The following PRPSAP1 variants were observed in gnomAD, a reference collection of about 807,000 sequenced individuals.
The protein encoded by PRPSAP1 is phosphoribosyl pyrophosphate synthetase associated protein 1.
Under a neutral mutation model 39.4 loss-of-function variants are expected in PRPSAP1, and 31 were observed. The observed-to-expected ratio is 0.79, with a 90% CI of 0.59 to 1.06. The LOEUF is 1.06. Among genes scored for constraint, PRPSAP1 ranks in the 50% least tolerant of loss-of-function variants. The pLI is 0.00. For missense variants in PRPSAP1, 430 were observed against 511.6 expected, an observed-to-expected ratio of 0.84 and a Z score of 1.54; for synonymous variants, 212 against 192.6, an observed-to-expected ratio of 1.10 and a Z score of -0.83.
At chr17:76,312,810 T>G (rs61440609) in intron 9 of PRPSAP1, 60 bp downstream of exon 9, 74,237 of 1,557,752 alleles carry the variant, frequency 0.048, 6,123 homozygotes, top group African/African-American at 0.38. Context: ...ACTGAATCAT[T>G]TTATTATTCC....
chr17:76,319,112 G>A (rs1328097711), intron 7 of PRPSAP1, among the ~76,000 whole-genome samples: 2 of 151,864 alleles, frequency 1.3e-5, no homozygotes, highest in African/African-American at 4.8e-5. Context: ...GCTAATTTTT[G>A]TATTTTTAGT....
At chr17:76,326,385 T>C (rs142156566) in intron 7 of PRPSAP1, among the ~76,000 whole-genome samples, 1 of 143,910 alleles carries the variant, frequency 6.9e-6, no homozygotes, top group Non-Finnish European at 1.5e-5. Flanking sequence ...TGAGGTAGTA[T>C]TAATTACAAA....
intron 7 of PRPSAP1, among the ~76,000 whole-genome samples, chr17:76,326,942 C>A (rs72858177): frequency 0.066 from 9,988 of 151,494 alleles, 421 homozygotes; most frequent in South Asian, 0.11. Context: ...AAAAAAAAAA[C>A]CCCATGTATA....
At chr17:76,314,146 T>A (rs1304654930) in intron 7 of PRPSAP1, 4 of 494,266 alleles carry the variant, frequency 8.1e-6, no homozygotes, top group Non-Finnish European at 1.5e-5. Flanking sequence ...AATTAATACA[T>A]TTTATTTTAT....
chr17:76,313,719 C>A (rs1051423756), intron 8 of PRPSAP1, 102 bp downstream of exon 8: 4 of 1,274,250 alleles, frequency 3.1e-6, no homozygotes, highest in Admixed American at 1.8e-5. Flanking sequence ...ATACATGGAT[C>A]CATTCGGATC....
At chr17:76,336,210 G>A (rs1251187646) in intron 3 of PRPSAP1, among the ~76,000 whole-genome samples, 2 of 152,222 alleles carry the variant, frequency 1.3e-5, no homozygotes, top group Non-Finnish European at 2.9e-5. Context: ...GGCCAAGACA[G>A]GTGGATCACC....
chr17:76,327,993 G>A (rs1018154421), intron 7 of PRPSAP1, among the ~76,000 whole-genome samples: 1 of 151,964 alleles, frequency 6.6e-6, no homozygotes, highest in East Asian at 1.9e-4. Context: ...AAACCAGCCT[G>A]GGCAATGCAG....
chr17:76,334,670 G>A (rs1485229292), intron 3 of PRPSAP1, among the ~76,000 whole-genome samples: 1 of 152,136 alleles, frequency 6.6e-6, no homozygotes, highest in Admixed American at 6.6e-5. Context: ...TGAGGAGACT[G>A]ATGCAGGGCT....
chr17:76,343,809 G>A (rs371693462), intron 3 of PRPSAP1, among the ~76,000 whole-genome samples: 3 of 152,048 alleles, frequency 2.0e-5, no homozygotes, highest in African/African-American at 7.2e-5. Flanking sequence ...CACTCCAGCC[G>A]GGGTGACAGA....
chr17:76,350,114 T>C (rs1405046284), intron 1 of PRPSAP1, among the ~76,000 whole-genome samples: 2 of 147,682 alleles, frequency 1.4e-5, no homozygotes, highest in Non-Finnish European at 1.5e-5. Context: ...GGTATACACA[T>C]ACAATGGAAT....
At chr17:76,348,114 A>G (rs2071529863) in intron 2 of PRPSAP1, among the ~76,000 whole-genome samples, 1 of 152,066 alleles carries the variant, frequency 6.6e-6, no homozygotes, top group African/African-American at 2.4e-5. Flanking sequence ...TTGAGCTCAG[A>G]AGTTCAAGAC....
rs767321204 is a variant in PRPSAP1 at position 76,353,632 on chromosome 17, G to C, written c.72C>G (p.Pro24=). The change falls in exon 1 of 10, where the codon CCC becomes CCG. Residue 24 remains proline (P), a synonymous_variant. Coordinates refer to ENST00000446526, the MANE Select transcript of PRPSAP1 (RefSeq NM_002766.3). ...CGGCGTTCATGGCCGGCGGGGGAAC[G>C]GGGCGGGCGCGCGGGACGCGGAAAG... ...SSAFRVPRAR[P]VPPPAMNAAR... is the part of the protein sequence containing the mutation. 2.6e-6 allele frequency: 4 copies of C among 1,542,646 alleles called. No homozygotes were observed. Among genetic ancestry groups the C allele is most frequent in the Admixed American group, 1.9e-5 (1 of 51,900 alleles).
At position 76,311,737 on chromosome 17, in the gene PRPSAP1, GA is replaced by G. The variant is rs756385479; in HGVS notation, c.1000-38del. 3 of 1,594,414 alleles carry G rather than the reference GA, an allele frequency of 1.9e-6. No individual in the cohort carries two copies. The African/African-American group carries it at 4.1e-5, about 22-fold the overall frequency. The stretch of plus-strand genomic sequence containing the variant: ...GTGATGGAAAACAAACGCTGTTACT[GA>G]AGTCTGTTCTCCAAGCTGGTTACAC... On this transcript the variant is annotated intron_variant, in intron 9 of 9. Transcript: ENST00000446526.
intron 7 of PRPSAP1, 80 bp downstream of exon 7, chr17:76,328,637 C>T: frequency 6.7e-7 from 1 of 1,494,868 alleles, no homozygotes; most frequent in Non-Finnish European, 9.1e-7. Flanking sequence ...AACAAAACAA[C>T]AACAACAAAA....
rs762883169 is a variant in PRPSAP1, at chr17:76,313,823, C to T, written c.850G>A (p.Val284Met). Residue 284 changes from valine to methionine, a missense_variant and splice_region_variant, in exon 8 of 10, where the codon GTG becomes ATG. Transcript: ENST00000446526. ...ACATGGATGACATATAACCATACCA[C>T]GATGATTGCGATGCGGCCTCCAACA... ...GDVGGRIAII[V>M]DDIIDDVESF... is the part of the protein sequence containing the mutation. The T allele has an allele frequency of 3.7e-6, 6 of 1,614,014 alleles. No homozygotes were observed. The highest frequency in any genetic ancestry group is 1.3e-5 in the African/African-American group (1 of 74,908).
chr17:76,344,134 T>C (rs999994122), intron 3 of PRPSAP1, among the ~76,000 whole-genome samples: 1 of 151,606 alleles, frequency 6.6e-6, no homozygotes, highest in African/African-American at 2.4e-5. Context: ...TTCATTTATT[T>C]TGTTTTTTTT....
intron 8 of PRPSAP1, 162 bp downstream of exon 8, chr17:76,313,659 C>A: frequency 1.5e-6 from 1 of 687,984 alleles, no homozygotes; most frequent in Non-Finnish European, 2.5e-6. Flanking sequence ...GTATGTTCAC[C>A]TGGATACAGG....
chr17:76,313,195 G>A, intron 8 of PRPSAP1, 179 bp from the exon 9 acceptor site: 1 of 683,452 alleles, frequency 1.5e-6, no homozygotes, highest in Non-Finnish European at 2.3e-6. Flanking sequence ...GCACCTGACA[G>A]TACCTTGTGT....
chr17:76,336,732 CAAAAAAAAAA>C (rs57399038), intron 3 of PRPSAP1, among the ~76,000 whole-genome samples: 81 of 63,340 alleles, frequency 1.3e-3, no homozygotes, highest in Middle Eastern at 8.8e-3. Context: ...AACTCCATCT[CAAAAAAAAAA>C]AAAAAAAAAA....
Sources: allele counts gnomAD v4.1 joint callset (sites outside exome capture counted in the v4.1 genomes callset), GRCh38; gene constraint gnomAD v4.1.1; transcripts MANE v1.5; gene names NCBI Gene and HGNC (gene_info 2026-07-23, HGNC 2026-07-21).